The following KDM4C variants were observed in gnomAD, a reference collection of about 807,000 sequenced individuals.
The protein encoded by KDM4C is lysine demethylase 4C.
Under a neutral mutation model 129.3 loss-of-function variants are expected in KDM4C, and 81 were observed. That is an observed-to-expected ratio of 0.63 (90% CI 0.52 to 0.75). The LOEUF (loss-of-function observed/expected upper bound fraction) is 0.75. Ranked by LOEUF, KDM4C falls within the 30% of genes least tolerant of loss-of-function variation. The pLI, the probability that KDM4C is intolerant of heterozygous loss-of-function variation, is 0.00. For synonymous variants in KDM4C, 573 were observed against 456.1 expected (o/e 1.26, Z -3.26); for missense variants, 1,457 against 1,304.0 (o/e 1.12, Z -1.81).
chr9:6,752,095 AGGCCGAG>A (rs1818089200), intron 1 of KDM4C, among the ~76,000 whole-genome samples: 2 of 150,534 alleles, frequency 1.3e-5, no homozygotes, highest in African/African-American at 5.0e-5. Flanking sequence ...GCACTTTGGG[AGGCCGAG>A]ACGGGCGGAT....
Position 7,035,583 on chromosome 9 carries a change from C to G in KDM4C, c.2260-11279C>G, listed in dbSNP as rs922834940. 2.6e-5 allele frequency among the ~76,000 whole-genome samples: 4 copies of G among 151,872 alleles called. No homozygotes were observed. The East Asian group carries it at 7.7e-4, about 29-fold the overall frequency. ...CCCAGACCAATGTCCTGAAGTGTTT[C>G]CCTTATGTTTTCTTCTCATAGTTTT... On this transcript the variant is annotated intron_variant, in intron 15 of 21. Transcript: ENST00000381309.
At chr9:6,785,763 T>TG (rs1329435305) in intron 1 of KDM4C, among the ~76,000 whole-genome samples, 1 of 152,220 alleles carries the variant, frequency 6.6e-6, no homozygotes, top group Non-Finnish European at 1.5e-5. Context: ...TCACAGGTGT[T>TG]GGGGGTTAGG....
chr9:7,162,529 C>A (rs1478415903), intron 19 of KDM4C, among the ~76,000 whole-genome samples: 1 of 152,156 alleles, frequency 6.6e-6, no homozygotes, highest in Non-Finnish European at 1.5e-5. Context: ...TAGTAAAGTT[C>A]ATCTATTCAG....
chr9:7,146,002 C>T (rs963741796), intron 19 of KDM4C, among the ~76,000 whole-genome samples: 6 of 152,358 alleles, frequency 3.9e-5, no homozygotes, highest in African/African-American at 7.2e-5. Flanking sequence ...GCAAGCATGA[C>T]GGCTCTTTGT....
chr9:6,862,291 T>C (rs1157958150), intron 5 of KDM4C, among the ~76,000 whole-genome samples: 2 of 152,198 alleles, frequency 1.3e-5, no homozygotes, highest in African/African-American at 4.8e-5. Flanking sequence ...GCCTACCTAA[T>C]GAAGATTAAC....
chr9:6,908,365 T>A (rs911113788), intron 8 of KDM4C, among the ~76,000 whole-genome samples: 2 of 152,172 alleles, frequency 1.3e-5, no homozygotes, highest in Non-Finnish European at 2.9e-5. Context: ...GCGAAGTGGG[T>A]ACAGACAGGC....
At chr9:7,166,547 G>GT (rs1477533097) in intron 20 of KDM4C, among the ~76,000 whole-genome samples, 2 of 152,102 alleles carry the variant, frequency 1.3e-5, no homozygotes, top group African/African-American at 4.8e-5. Flanking sequence ...ATTTATAATA[G>GT]TAAAGGTACT....
At position 6,795,324 on chromosome 9, in the gene KDM4C, A is replaced by T. The variant is rs187619415; in HGVS notation, c.144+2192A>T. 3.1e-3 allele frequency among the ~76,000 whole-genome samples: 473 copies of T among 152,000 alleles called. 3 individuals carry two copies. Among genetic ancestry groups the T allele is most frequent in the African/African-American group, 9.5e-3 (395 of 41,490 alleles). ...GCCTGTAATTAGGTTGTATATATAT[A>T]TATTTTTTGTTGTTGTTTCTTTTTG... is the stretch of plus-strand genomic sequence containing the variant. On this transcript the variant is annotated intron_variant, in intron 2 of 21. Coordinates refer to ENST00000381309, the MANE Select transcript of KDM4C (RefSeq NM_015061.6).
chr9:6,748,880 C>G, intron 1 of KDM4C: 2 of 988,434 alleles, frequency 2.0e-6, no homozygotes, highest in South Asian at 1.3e-5. Context: ...GCTCATAGAG[C>G]CACACCTGAA....
At position 7,077,112 on chromosome 9, in the gene KDM4C, A is replaced by T. The variant is rs997979106; in HGVS notation, c.2425-26573A>T. On this transcript the variant is annotated intron_variant, in intron 17 of 21. Coordinates refer to ENST00000381309, the MANE Select transcript of KDM4C (RefSeq NM_015061.6). Reference sequence around the variant, plus strand: ...AAGTTCTATCTGGGTGATATATGCTATCGAAACAGATGTGGACACTGGGCT... The same window carrying T: ...AAGTTCTATCTGGGTGATATATGCTTTCGAAACAGATGTGGACACTGGGCT... The T allele has an allele frequency of 3.0e-6, 3 of 985,322 alleles. No homozygotes were observed. In the African/African-American group the frequency reaches 5.2e-5, roughly 17 times the overall value. 61.0% of individuals were successfully genotyped at this position (985,322 alleles called of 1,614,324 possible).
At chr9:6,820,608 G>A (rs947427746) in intron 4 of KDM4C, among the ~76,000 whole-genome samples, 1 of 152,072 alleles carries the variant, frequency 6.6e-6, no homozygotes, top group African/African-American at 2.4e-5. Context: ...ATAGGAATTA[G>A]GGGTGAGGGT....
intron 12 of KDM4C, among the ~76,000 whole-genome samples, chr9:6,993,798 T>C (rs745929484): frequency 1.3e-5 from 2 of 152,226 alleles, no homozygotes; most frequent in Non-Finnish European, 2.9e-5. Context: ...GGATGCCTGC[T>C]CAGAAGCTCT....
At chr9:6,895,822 A>G (rs1816324715) in intron 8 of KDM4C, among the ~76,000 whole-genome samples, 1 of 152,222 alleles carries the variant, frequency 6.6e-6, no homozygotes, top group African/African-American at 2.4e-5. Context: ...CAGGAAAATA[A>G]CTTTATAAAG....
At chr9:7,164,049 A>C (rs1362173670) in intron 19 of KDM4C, among the ~76,000 whole-genome samples, 1 of 152,176 alleles carries the variant, frequency 6.6e-6, no homozygotes, top group Non-Finnish European at 1.5e-5. Flanking sequence ...ATCATAAACA[A>C]CTAAATACTT....
At chr9:6,778,151 A>G (rs1298972529) in intron 1 of KDM4C, among the ~76,000 whole-genome samples, 2 of 149,498 alleles carry the variant, frequency 1.3e-5, no homozygotes. Flanking sequence ...GTGCAGTGGC[A>G]TGATCTCGTC....
At chr9:6,720,911 T>G (rs771851683) in exon 1 of KDM4C, 1 of 1,537,696 alleles carries the variant, frequency 6.5e-7, no homozygotes, top group African/African-American at 1.4e-5. Context: ...ATAGTTGGAG[T>G]GTTCTGCATT....
At chr9:6,877,995 G>C (rs544383102) in intron 5 of KDM4C, among the ~76,000 whole-genome samples, 1 of 152,324 alleles carries the variant, frequency 6.6e-6, no homozygotes, top group South Asian at 2.1e-4. Flanking sequence ...ATTGATAACA[G>C]AAGAGAGAAG....
At chr9:7,157,011 C>T (rs10739122) in intron 19 of KDM4C, among the ~76,000 whole-genome samples, 122,939 of 152,174 alleles carry the variant, frequency 0.81, 50,097 homozygotes, top group African/African-American at 0.87. Flanking sequence ...CATTTGTTTG[C>T]GTCCTCTTTT....
chr9:6,760,570 A>G (rs1242300725), intron 1 of KDM4C, among the ~76,000 whole-genome samples: 2 of 148,728 alleles, frequency 1.3e-5, no homozygotes, highest in Non-Finnish European at 3.0e-5. Flanking sequence ...TTATTTATTT[A>G]TTTATTTATT....
Sources: gnomAD v4.1 joint callset for allele counts (sites outside exome capture counted in the v4.1 genomes callset) on GRCh38, gnomAD v4.1.1 for gene constraint, MANE v1.5 for transcripts, NCBI Gene and HGNC (gene_info 2026-07-23, HGNC 2026-07-21) for gene names.